RHBDF1: variants seen among roughly 807,000 people sequenced by gnomAD.
RHBDF1 encodes inactive rhomboid protein 1.
RHBDF1 carries 80 observed loss-of-function variants against 98.6 expected under a neutral mutation model. The observed-to-expected ratio is 0.81, with a 90% CI of 0.68 to 0.98. The LOEUF (loss-of-function observed/expected upper bound fraction) is 0.98. RHBDF1 is among the 50% of genes least tolerant of loss of function. The probability of loss-of-function intolerance (pLI) is 0.00; values close to 1 mark genes in which losing one functional copy is unlikely to be tolerated. For synonymous variants in RHBDF1, 512 were observed against 486.8 expected (o/e 1.05, Z -0.68); for missense variants, 1,116 against 1,198.3 (o/e 0.93, Z 1.01).
chr16:72,643 G>C, upstream of RHBDF1: 1 of 848,402 alleles, frequency 1.2e-6, no homozygotes, highest in Non-Finnish European at 1.3e-6. Context: ...CTGGAGCGAG[G>C]GGCGTGCGCC....
At chr16:69,439 G>A (rs918708954) in intron 1 of RHBDF1, among the ~76,000 whole-genome samples, 22 of 152,108 alleles carry the variant, frequency 1.4e-4, no homozygotes, top group African/African-American at 3.9e-4. Flanking sequence ...GCCTCACCCC[G>A]GGACACCTTC....
rs1363366285 is a variant in RHBDF1 at position 62,984 on chromosome 16, C to A, written c.661G>T (p.Ala221Ser). The change falls in exon 5 of 18, where the codon GCG (alanine) becomes TCG (serine). Residue 221 changes from alanine to serine, a missense_variant. Physicochemically the swap from Ala to Ser is moderately conservative, Grantham distance 99. Coordinates refer to ENST00000262316, the MANE Select transcript of RHBDF1 (RefSeq NM_022450.5). The part of the protein sequence containing the change: ...VAKMSFRAAA[A>S]LMKGRSVRDG... ...GCCCCTGCACCCACTTTCATCAGCGCTGCGGCCGCCCGGAAGCTCATCTTG... is the reference window on the plus strand; with the variant it reads ...GCCCCTGCACCCACTTTCATCAGCGATGCGGCCGCCCGGAAGCTCATCTTG... 1 of 1,612,026 alleles carries A rather than the reference C, an allele frequency of 6.2e-7. No homozygotes were observed. Among genetic ancestry groups the A allele is most frequent in the Non-Finnish European group, 8.5e-7 (1 of 1,179,366 alleles).
Position 58,625 on chromosome 16 carries a change from A to G in RHBDF1, c.2283T>C (p.Phe761=), listed in dbSNP as rs760670107. ...AGTTGTCAATCCACGGCAGCAGCCC[A>G]AAGGTGAAGAGGAAGAGCACCACAG... ...LLAVVLFLFT[F]GLLPWIDNFA... is the part of the protein sequence containing the mutation. The change falls in exon 18 of 18, where the codon TTT becomes TTC. Residue 761 remains phenylalanine, a synonymous_variant. Coordinates refer to ENST00000262316, the MANE Select transcript of RHBDF1 (RefSeq NM_022450.5). 1.2e-6 allele frequency: 2 copies of G among 1,613,490 alleles called. No individual in the cohort carries two copies. Among genetic ancestry groups the G allele is most frequent in the Non-Finnish European group, 1.7e-6 (2 of 1,180,030 alleles).
chr16:60,291 A>T lies in RHBDF1; in HGVS notation c.1659-12T>A, dbSNP rs1277728894. The T allele has an allele frequency of 1.5e-5, 24 of 1,614,006 alleles. No homozygotes were observed. Among genetic ancestry groups the T allele is most frequent in the Non-Finnish European group, 2.0e-5 (24 of 1,179,980 alleles). On this transcript the variant is annotated splice_polypyrimidine_tract_variant and intron_variant, in intron 12 of 17. Transcript: ENST00000262316. The stretch of plus-strand genomic sequence containing the variant: ...GCTCATCACACACCCTGCATGAGCC[A>T]AGTATGTGGTCAGACCGGCTTCGAG...
intron 14 of RHBDF1, 76 bp downstream of exon 14, chr16:59,656 G>A (rs1015347620): frequency 2.6e-5 from 40 of 1,552,354 alleles, no homozygotes; most frequent in Non-Finnish European, 3.5e-5. Context: ...TTCAGGATTT[G>A]GTTAGGGAGA....
rs766084835 is a variant in RHBDF1, at chr16:59,354, G to T, written c.1894-5C>A. 6.2e-7 allele frequency: 1 copy of T among 1,611,998 alleles called. No individual in the cohort carries two copies. ...CACATCATCCATGCAGTGCACCTGC[G>T]CAGAGCAGCATATCAGCATCACAGT... On this transcript the variant is annotated splice_region_variant and splice_polypyrimidine_tract_variant and intron_variant, in intron 15 of 17. Transcript: ENST00000262316.
chr16:61,560 G>A, intron 9 of RHBDF1, 25 bp downstream of exon 9: 2 of 1,612,274 alleles, frequency 1.2e-6, no homozygotes, highest in South Asian at 1.1e-5. Context: ...ACTCGTCTGG[G>A]CCCAGGGAAG....
chr16:61,434 TCGTAGACC>T lies in RHBDF1; in HGVS notation c.1338_1345del (p.Val447GlufsTer107). On this transcript the variant is annotated frameshift_variant, in exon 10 of 18. Transcript: ENST00000262316. LOFTEE classifies it high-confidence loss of function. ...CTCCTGCTGCACGTACTTGACGTTC[TCGTAGACC>T]CCGCGGTTCCGCAGCACCTGGGAGG... The T allele has an allele frequency of 2.5e-6, 4 of 1,612,456 alleles. No individual in the cohort carries two copies. Among genetic ancestry groups the T allele is most frequent in the Non-Finnish European group, 3.4e-6 (4 of 1,179,810 alleles).
At chr16:72,693 T>A, upstream of RHBDF1, 1 of 980,764 alleles carries the variant, frequency 1.0e-6, no homozygotes. Context: ...TCGCGCTGAC[T>A]CAGAGCTCAG....
upstream of RHBDF1, chr16:76,352 T>G (rs1287692590): frequency 6.7e-6 from 1 of 148,968 alleles, no homozygotes; most frequent in Admixed American, 6.8e-5. Context: ...GGTGGGAGCA[T>G]GAGACCACAA....
intron 1 of RHBDF1, among the ~76,000 whole-genome samples, chr16:66,074 A>G (rs369861521): frequency 2.0e-5 from 3 of 152,182 alleles, no homozygotes; most frequent in Non-Finnish European, 2.9e-5. Context: ...GCTGTCCCCA[A>G]CCCAGGGGGA....
chr16:62,630 T>TGG lies in RHBDF1; in HGVS notation c.860_861insCC (p.Ala288GlnfsTer3). ...GTGCCTTCTCCCAGTCCTTTAGCGCTGCCTCCGATGGGGACTCGAAAACTT... is the reference window on the plus strand; with the variant it reads ...GTGCCTTCTCCCAGTCCTTTAGCGCTGGGCCTCCGATGGGGACTCGAAAACTT... On this transcript the variant is annotated frameshift_variant, in exon 7 of 18. Coordinates refer to ENST00000262316, the MANE Select transcript of RHBDF1 (RefSeq NM_022450.5). LOFTEE classifies it high-confidence loss of function. 3 of 1,614,044 alleles carry TGG rather than the reference T, an allele frequency of 1.9e-6. No individual in the cohort carries two copies. Among genetic ancestry groups the TGG allele is most frequent in the Non-Finnish European group, 2.5e-6 (3 of 1,180,030 alleles).
chr16:73,540 T>C (rs1044760574), upstream of RHBDF1, among the ~76,000 whole-genome samples: 2 of 152,150 alleles, frequency 1.3e-5, no homozygotes, highest in Non-Finnish European at 2.9e-5. Context: ...CCAGCATTTC[T>C]CTCCTGACAC....
chr16:73,548 C>G (rs1000936788), upstream of RHBDF1, among the ~76,000 whole-genome samples: 2 of 152,328 alleles, frequency 1.3e-5, no homozygotes, highest in Middle Eastern at 3.4e-3. Context: ...TCTCTCCTGA[C>G]ACTGGGTGGG....
At position 60,225 on chromosome 16, in the gene RHBDF1, G is replaced by A. The variant is rs1897557130; in HGVS notation, c.1713C>T (p.Thr571=). 6.2e-7 allele frequency: 1 copy of A among 1,613,988 alleles called. No individual in the cohort carries two copies. Among genetic ancestry groups the A allele is most frequent in the Admixed American group, 1.7e-5 (1 of 60,002 alleles). ...EDPHEWPEDI[T]KWPICTKNSA... ...CCCCACTGCAGCTCACCGGCCACTTGGTGATGTCTTCTGGCCACTCATGAG... is the reference window on the plus strand; with the variant it reads ...CCCCACTGCAGCTCACCGGCCACTTAGTGATGTCTTCTGGCCACTCATGAG... The change falls in exon 13 of 18, where the codon ACC becomes ACT. Residue 571 remains threonine (T), a synonymous_variant. Transcript: ENST00000262316.
At chr16:62,383 G>A (rs950406939) in intron 7 of RHBDF1, among the ~76,000 whole-genome samples, 155 bp downstream of exon 7, 1 of 152,146 alleles carries the variant, frequency 6.6e-6, no homozygotes, top group African/African-American at 2.4e-5. Flanking sequence ...CCAGCTCTGC[G>A]TCTCCCACCC....
chr16:60,485 C>T lies in RHBDF1; in HGVS notation c.1612G>A (p.Ala538Thr), dbSNP rs1433284698. Residue 538 changes from alanine (A) to threonine (T), a missense_variant, in exon 12 of 18, where the codon GCG (alanine) becomes ACG (threonine). Coordinates refer to ENST00000262316, the MANE Select transcript of RHBDF1 (RefSeq NM_022450.5). Reference sequence around the variant, plus strand: ...GAGCCAAACTGTCTCTTGTGGCCCGCAAGCTCTGGGGCGCTGGGATGGATG... The same window carrying T: ...GAGCCAAACTGTCTCTTGTGGCCCGTAAGCTCTGGGGCGCTGGGATGGATG... Reference protein sequence around the residue: ...WPIHPSAPELAGHKRQFGSVC... With the variant: ...WPIHPSAPELTGHKRQFGSVC... 6.2e-7 allele frequency: 1 copy of T among 1,611,998 alleles called. No individual in the cohort carries two copies. Among genetic ancestry groups the T allele is most frequent in the Non-Finnish European group, 8.5e-7 (1 of 1,180,006 alleles).
intron 1 of RHBDF1, among the ~76,000 whole-genome samples, chr16:68,221 C>T (rs960819545): frequency 1.3e-5 from 2 of 152,240 alleles, no homozygotes; most frequent in East Asian, 3.8e-4. Flanking sequence ...TGAGAACCGA[C>T]AGTTATAGGT....
chr16:74,752 C>CT (rs1898053176), upstream of RHBDF1: 2 of 152,142 alleles, frequency 1.3e-5, no homozygotes, highest in African/African-American at 4.8e-5. Flanking sequence ...CGGTTCCTGC[C>CT]TTAACTGATG....
Sources: allele counts gnomAD v4.1 joint callset (sites outside exome capture counted in the v4.1 genomes callset), GRCh38; gene constraint gnomAD v4.1.1; transcripts MANE v1.5; gene names NCBI Gene and HGNC (gene_info 2026-07-23, HGNC 2026-07-21).